The following ATP8B1 variants were observed in gnomAD, a reference collection of about 807,000 sequenced individuals.
ATP8B1 encodes ATPase phospholipid transporting 8B1, also known as phospholipid-transporting ATPase IC.
In ATP8B1, 80 loss-of-function variants were observed where a neutral mutation model predicts 149.9. The ratio of observed to expected loss-of-function variants is 0.53; its 90% CI spans 0.45 to 0.64. ATP8B1 has a LOEUF of 0.64. Among genes scored for constraint, ATP8B1 ranks in the 30% least tolerant of loss-of-function variants. The probability of loss-of-function intolerance (pLI) is 0.00; values close to 1 mark genes in which losing one functional copy is unlikely to be tolerated. For synonymous variants in ATP8B1, 536 were observed against 562.8 expected (o/e 0.95, Z 0.67); for missense variants, 1,247 against 1,552.6 (o/e 0.80, Z 3.31).
intron 17 of ATP8B1, among the ~76,000 whole-genome samples, chr18:57,670,329 T>C (rs1911146772): frequency 6.6e-6 from 1 of 151,472 alleles, no homozygotes. Context: ...GATTCAAACA[T>C]TTTCTTTTTT....
At chr18:57,674,802 C>T (rs1243014533) in intron 16 of ATP8B1, 32 bp downstream of exon 16, 4 of 1,608,584 alleles carry the variant, frequency 2.5e-6, no homozygotes, top group Middle Eastern at 1.7e-4. Flanking sequence ...TCTAAATGAG[C>T]GATTCATAGA....
intron 15 of ATP8B1, among the ~76,000 whole-genome samples, chr18:57,681,222 G>T (rs1411277128): frequency 2.6e-5 from 4 of 151,980 alleles, no homozygotes; most frequent in African/African-American, 9.7e-5. Flanking sequence ...GGCAGGGAAT[G>T]AGGACAGTCT....
intron 11 of ATP8B1, among the ~76,000 whole-genome samples, chr18:57,692,593 G>T (rs543944574): frequency 2.7e-4 from 41 of 151,990 alleles, no homozygotes; most frequent in Admixed American, 2.2e-3. Context: ...GCGCCACCAA[G>T]GCCGGCTAAT....
rs778786114 is a variant in ATP8B1 at position 57,648,590 on chromosome 18, C to T, written c.3654G>A (p.Ala1218=). ...TGCTGCGCCCGGAGGAGATGAGGTC[C>T]GCGTAGCCCCGCTGGTGCGAGAAGG... ...AYAFSHQRGY[A]DLISSGRSIR... Residue 1218 remains alanine (A), a synonymous_variant, in exon 28 of 28, where the codon GCG becomes GCA. Coordinates refer to ENST00000648908, the MANE Select transcript of ATP8B1 (RefSeq NM_001374385.1). 25 of 1,611,202 alleles carry T rather than the reference C, an allele frequency of 1.6e-5. No homozygotes were observed. In the South Asian group the frequency reaches 1.9e-4, roughly 12 times the overall value.
intron 15 of ATP8B1, among the ~76,000 whole-genome samples, chr18:57,681,618 T>C (rs1273890927): frequency 6.6e-6 from 1 of 152,024 alleles, no homozygotes; most frequent in Non-Finnish European, 1.5e-5. Context: ...CTGGCCAACA[T>C]GGTGAAGCCC....
intron 1 of ATP8B1, among the ~76,000 whole-genome samples, chr18:57,777,952 A>C (rs1353262090): frequency 3.9e-5 from 6 of 152,218 alleles, no homozygotes; most frequent in Admixed American, 3.9e-4. Context: ...TTAAATGAAA[A>C]AACAAATAAT....
At chr18:57,791,794 T>C (rs2080467258) in intron 1 of ATP8B1, among the ~76,000 whole-genome samples, 1 of 152,220 alleles carries the variant, frequency 6.6e-6, no homozygotes, top group South Asian at 2.1e-4. Flanking sequence ...ATCTTATTTT[T>C]CTTTAAGGCC....
intron 15 of ATP8B1, among the ~76,000 whole-genome samples, chr18:57,680,585 A>C (rs1278912302): frequency 6.9e-6 from 1 of 144,020 alleles, no homozygotes; most frequent in African/African-American, 2.6e-5. Flanking sequence ...ACTTGGTCTC[A>C]AAAACAAAAC....
chr18:57,691,488 C>G (rs929197590), intron 12 of ATP8B1, among the ~76,000 whole-genome samples: 6 of 152,150 alleles, frequency 3.9e-5, no homozygotes, highest in Non-Finnish European at 8.8e-5. Context: ...CCTCCCAGTC[C>G]CTTTCTGAAG....
intron 1 of ATP8B1, among the ~76,000 whole-genome samples, chr18:57,750,931 C>T (rs1831368733): frequency 6.6e-6 from 1 of 152,058 alleles, no homozygotes; most frequent in African/African-American, 2.4e-5. Flanking sequence ...CCAGCCTGGC[C>T]AACATGGTGA....
intron 26 of ATP8B1, 29 bp from the exon 27 acceptor site, chr18:57,650,526 G>T: frequency 6.2e-7 from 1 of 1,608,824 alleles, no homozygotes; most frequent in African/African-American, 1.3e-5. Flanking sequence ...ATGCATCACT[G>T]TGGTTCTTTT....
At chr18:57,718,103 T>TAAAAAAAA (rs59629558) in intron 2 of ATP8B1, among the ~76,000 whole-genome samples, 149 of 31,830 alleles carry the variant, frequency 4.7e-3, no homozygotes, top group East Asian at 0.014. Context: ...CTGGACTAAC[T>TAAAAAAAA]AAAAAAAAAA....
In ATP8B1 at chr18:57,775,308, C is replaced by A. The variant is rs551936044; in HGVS notation, c.-26+27690G>T. 2.0e-5 allele frequency among the ~76,000 whole-genome samples: 3 copies of A among 150,550 alleles called. No homozygotes were observed. The South Asian group carries it at 6.3e-4, about 32-fold the overall frequency. ...TCCAGCCTGGGTGACAGATGGAGAC[C>A]CTGTCTCAAAAAAAGAAAAGAGAAA... On this transcript the variant is annotated intron_variant, in intron 1 of 27. Transcript: ENST00000648908.
intron 4 of ATP8B1, 121 bp downstream of exon 4, chr18:57,704,434 G>T: frequency 1.4e-6 from 1 of 732,366 alleles, no homozygotes; most frequent in Non-Finnish European, 2.4e-6. Context: ...GTTCCTTTAT[G>T]TACAGAACCC....
rs769954932 is a variant in ATP8B1 at position 57,648,617 on chromosome 18, G to A, written c.3627C>T (p.Tyr1209=). ...CGTAGCCCCGCTGGTGCGAGAAGGC[G>A]TAGGCCGAGCGCCGCGTTGACACGC... ...RRGVSTRRSA[Y]AFSHQRGYAD... Residue 1209 remains tyrosine (Y), a synonymous_variant, in exon 28 of 28, where the codon TAC becomes TAT. Coordinates refer to ENST00000648908, the MANE Select transcript of ATP8B1 (RefSeq NM_001374385.1). 2.5e-5 allele frequency: 41 copies of A among 1,609,278 alleles called. No homozygotes were observed. Among genetic ancestry groups the A allele is most frequent in the South Asian group, 1.1e-5 (1 of 90,616 alleles).
At chr18:57,694,109 TGGG>T (rs928995682) in intron 11 of ATP8B1, among the ~76,000 whole-genome samples, 4 of 152,192 alleles carry the variant, frequency 2.6e-5, no homozygotes, top group African/African-American at 9.7e-5. Context: ...TCATCAAACC[TGGG>T]AGTGGTCTTG....
chr18:57,775,601 C>G (rs573302551), intron 1 of ATP8B1, among the ~76,000 whole-genome samples: 1 of 150,166 alleles, frequency 6.7e-6, no homozygotes, highest in East Asian at 2.0e-4. Context: ...GCAAGAGATT[C>G]TGTCAGGATT....
At chr18:57,674,257 AAG>A (rs1491413645) in intron 16 of ATP8B1, among the ~76,000 whole-genome samples, 20,089 of 129,946 alleles carry the variant, frequency 0.15, 1,771 homozygotes, top group South Asian at 0.22. Flanking sequence ...AAAAAAAAAA[AAG>A]AAAAGAAAAG....
rs71171079 is a variant in ATP8B1, at chr18:57,736,453, G to GTTTTTTTT, written c.-25-4629_-25-4622dup. ...TTTCTTCTAGTATAAAGTTTTACTA[G>GTTTTTTTT]TTTTTTTTTTTTTTTTTTTTTTTTG... On this transcript the variant is annotated intron_variant, in intron 1 of 27. Transcript: ENST00000648908. 1.3e-4 allele frequency among the ~76,000 whole-genome samples: 9 copies of GTTTTTTTT among 70,116 alleles called. 2 individuals carry two copies. Among genetic ancestry groups the GTTTTTTTT allele is most frequent in the East Asian group, 5.6e-4 (1 of 1,774 alleles). 46.0% of individuals were successfully genotyped at this position (70,116 alleles called of 152,430 possible).
Sources: allele counts gnomAD v4.1 joint callset (sites outside exome capture counted in the v4.1 genomes callset), GRCh38; gene constraint gnomAD v4.1.1; transcripts MANE v1.5; gene names NCBI Gene and HGNC (gene_info 2026-07-23, HGNC 2026-07-21).